The following TNFSF10 variants were observed in gnomAD, a reference collection of about 807,000 sequenced individuals.
TNFSF10 encodes TNF superfamily member 10, also known as tumor necrosis factor ligand superfamily member 10.
TNFSF10 carries 13 observed loss-of-function variants against 29.5 expected under a neutral mutation model. The observed-to-expected ratio is 0.44, with a 90% CI of 0.29 to 0.70. The LOEUF is 0.70. Among genes scored for constraint, TNFSF10 ranks in the 30% least tolerant of loss-of-function variants. The probability of loss-of-function intolerance (pLI) is 0.13; values close to 1 mark genes in which losing one functional copy is unlikely to be tolerated. For synonymous variants in TNFSF10, 111 were observed against 112.8 expected (o/e 0.98, Z 0.10); for missense variants, 345 against 330.9 (o/e 1.04, Z -0.33).
At chr3:172,515,572 T>C (rs1713393619) in intron 1 of TNFSF10, among the ~76,000 whole-genome samples, 1 of 152,206 alleles carries the variant, frequency 6.6e-6, no homozygotes, top group Non-Finnish European at 1.5e-5. Flanking sequence ...ATCTGGACCA[T>C]GTTGCCACTA....
chr3:172,523,198 G>GT, intron 1 of TNFSF10, 55 bp downstream of exon 1: 1 of 1,519,254 alleles, frequency 6.6e-7, no homozygotes, highest in Non-Finnish European at 8.9e-7. Flanking sequence ...AAAGAAGCAG[G>GT]TAACCAGACA....
intron 3 of TNFSF10, among the ~76,000 whole-genome samples, chr3:172,510,701 T>G (rs1713184006): frequency 6.6e-6 from 1 of 151,842 alleles, no homozygotes; most frequent in South Asian, 2.1e-4. Context: ...CTGGTATGCC[T>G]CATCTGAATA....
intron 1 of TNFSF10, among the ~76,000 whole-genome samples, chr3:172,521,788 C>G (rs963349334): frequency 3.3e-5 from 5 of 152,168 alleles, no homozygotes; most frequent in African/African-American, 1.2e-4. Context: ...AGACTTGGAA[C>G]CAACCCAAAT....
At chr3:172,518,236 C>A in intron 1 of TNFSF10, 1 of 1,138,512 alleles carries the variant, frequency 8.8e-7, no homozygotes, top group African/African-American at 1.6e-5. Context: ...AAAGCTCTTG[C>A]ACTGGGTGCC....
chr3:172,509,113 G>T, intron 4 of TNFSF10, 104 bp downstream of exon 4: 1 of 871,888 alleles, frequency 1.1e-6, no homozygotes, highest in Non-Finnish European at 1.7e-6. Flanking sequence ...GCATTTTGTA[G>T]ATAGCCATAT....
chr3:172,520,934 C>CA (rs1181326362), intron 1 of TNFSF10, among the ~76,000 whole-genome samples: 3 of 152,078 alleles, frequency 2.0e-5, no homozygotes, highest in Non-Finnish European at 4.4e-5. Context: ...ACAAACCTGA[C>CA]AAAAACAAGC....
chr3:172,517,705 G>A, intron 1 of TNFSF10: 1 of 985,010 alleles, frequency 1.0e-6, no homozygotes, highest in Non-Finnish European at 1.2e-6. Context: ...TAAAAATGCT[G>A]TGTTCTTTAA....
chr3:172,522,485 A>G, intron 1 of TNFSF10: 1 of 1,104,412 alleles, frequency 9.1e-7, no homozygotes, highest in Non-Finnish European at 1.4e-6. Context: ...CTTACTGTGC[A>G]CCTTTTAAAA....
chr3:172,515,925 T>C (rs999780130), intron 1 of TNFSF10, among the ~76,000 whole-genome samples: 1 of 152,192 alleles, frequency 6.6e-6, no homozygotes, highest in Non-Finnish European at 1.5e-5. Flanking sequence ...CGTTTTGTTT[T>C]GTTTTAACAA....
In TNFSF10 at chr3:172,509,293, C is replaced by A; in HGVS notation, c.342G>T (p.Val114=). ...CTACTCTCTGAGGACCTCTTTCTCT[C>A]ACTAGGGGAGAAATATTTTGTTGCT... is the stretch of plus-strand genomic sequence containing the variant. The part of the protein sequence containing the change: ...QEKQQNISPL[V]RERGPQRVAA... Residue 114 remains valine, a synonymous_variant, in exon 4 of 5, where the codon GTG becomes GTT. Transcript: ENST00000241261. The A allele has an allele frequency of 1.2e-6, 2 of 1,613,770 alleles. No individual in the cohort carries two copies. Among genetic ancestry groups the A allele is most frequent in the South Asian group, 2.2e-5 (2 of 91,018 alleles).
At chr3:172,517,378 C>T (rs2108449026) in intron 1 of TNFSF10, 1 of 985,242 alleles carries the variant, frequency 1.0e-6, no homozygotes, top group South Asian at 4.7e-5. Context: ...TGAGTAAGGT[C>T]CTGGGTATAA....
chr3:172,506,417 GAAA>G lies in TNFSF10; in HGVS notation c.*72_*74del. On this transcript the variant is annotated 3_prime_UTR_variant, in exon 5 of 5. Coordinates refer to ENST00000241261, the MANE Select transcript of TNFSF10 (RefSeq NM_003810.4). ...TTTGTTTGTTTTGGTCAGATTTTTT[GAAA>G]CATCTTCATAGTGTATCATCCTGAA... 2.0e-6 allele frequency: 3 copies of G among 1,474,970 alleles called. No individual in the cohort carries two copies. Among genetic ancestry groups the G allele is most frequent in the Non-Finnish European group, 2.7e-6 (3 of 1,103,316 alleles). The allele number at this position is 1,474,970 out of a possible 1,614,324, so 91.4% of individuals were successfully genotyped here. A position where few individuals can be genotyped will look rare whatever the true frequency, so the allele number is the denominator to read the frequency against.
rs531273245 is a variant in TNFSF10, at chr3:172,509,236, G to A, written c.399C>T (p.Ser133=). The part of the protein sequence containing the change: ...AAHITGTRGR[S]NTLSSPNSKN... ...TCTTACTTGGAGAAGACAATGTGTTGCTTCTTCCTCTGGTCCCAGTTATGT... is the reference window on the plus strand; with the variant it reads ...TCTTACTTGGAGAAGACAATGTGTTACTTCTTCCTCTGGTCCCAGTTATGT... Residue 133 remains serine (S), a synonymous_variant, in exon 4 of 5, where the codon AGC becomes AGT. Coordinates refer to ENST00000241261, the MANE Select transcript of TNFSF10 (RefSeq NM_003810.4). 2.6e-5 allele frequency: 42 copies of A among 1,613,456 alleles called. No homozygotes were observed. Among genetic ancestry groups the A allele is most frequent in the Middle Eastern group, 3.3e-4 (2 of 6,060 alleles).
intron 4 of TNFSF10, chr3:172,507,372 C>T (rs1240835137): frequency 1.3e-5 from 2 of 154,560 alleles, no homozygotes; most frequent in African/African-American, 4.8e-5. Context: ...TCTTGCCATT[C>T]CTTTTGGACT....
chr3:172,508,661 G>T (rs1050961362), intron 4 of TNFSF10, among the ~76,000 whole-genome samples: 5 of 152,104 alleles, frequency 3.3e-5, no homozygotes, highest in Non-Finnish European at 7.4e-5. Context: ...AGGCCGAGGT[G>T]GGCGGATCAC....
chr3:172,521,224 C>T (rs1713679523), intron 1 of TNFSF10, among the ~76,000 whole-genome samples: 1 of 152,150 alleles, frequency 6.6e-6, no homozygotes, highest in Non-Finnish European at 1.5e-5. Context: ...TAAAGAGCTT[C>T]TGCACAGCAG....
Position 172,514,923 on chromosome 3 carries a change from C to A in TNFSF10, c.208G>T (p.Glu70Ter). The A allele has an allele frequency of 6.2e-7, 1 of 1,614,140 alleles. No homozygotes were observed. The highest frequency in any genetic ancestry group is 8.5e-7 in the Non-Finnish European group (1 of 1,180,008). ...EDDSYWDPND[E>*]ESMNSPCWQV... ...CAGCAGGGGCTGTTCATACTCTCTT[C>A]GTCATTGGGGTCCCAATAACTGTCA... Residue 70 changes from glutamate (E) to a stop codon, truncating the protein, a stop_gained, in exon 2 of 5, where the codon GAA becomes TAA. Transcript: ENST00000241261. LOFTEE classifies it high-confidence loss of function.
intron 3 of TNFSF10, 60 bp from the exon 4 acceptor site, chr3:172,509,381 C>T: frequency 1.4e-5 from 19 of 1,350,446 alleles, no homozygotes; most frequent in South Asian, 6.2e-5. Context: ...CAATACCTTG[C>T]TCTTCATAGG....
chr3:172,509,312 T>C lies in TNFSF10; in HGVS notation c.323A>G (p.Gln108Arg). Residue 108 changes from glutamine (Q) to arginine (R), a missense_variant, in exon 4 of 5, where the codon CAA becomes CGA. Gln to Arg is a conservative substitution (Grantham distance 43). Transcript: ENST00000241261. ...ETISTVQEKQ[Q>R]NISPLVRERG... Reference sequence around the variant, plus strand: ...TTCTCTCACTAGGGGAGAAATATTTTGTTGCTTTTCTAAAAGAGAAATGAT... The same window carrying C: ...TTCTCTCACTAGGGGAGAAATATTTCGTTGCTTTTCTAAAAGAGAAATGAT... 6.2e-7 allele frequency: 1 copy of C among 1,613,464 alleles called. No individual in the cohort carries two copies. The highest frequency in any genetic ancestry group is 8.5e-7 in the Non-Finnish European group (1 of 1,179,680).
Sources: gnomAD v4.1 joint callset for allele counts (sites outside exome capture counted in the v4.1 genomes callset) on GRCh38, gnomAD v4.1.1 for gene constraint, MANE v1.5 for transcripts, NCBI Gene and HGNC (gene_info 2026-07-23, HGNC 2026-07-21) for gene names.